PDIA4: variants seen among roughly 807,000 people sequenced by gnomAD.
The protein encoded by PDIA4 is protein disulfide-isomerase A4.
A neutral mutation model predicts 62.1 loss-of-function variants in PDIA4; 33 were observed. The observed-to-expected ratio is 0.53, with a 90% CI of 0.40 to 0.71. The LOEUF (loss-of-function observed/expected upper bound fraction) is 0.71, where lower values mean the gene tolerates loss of function less well. PDIA4 is among the 30% of genes least tolerant of loss of function. The pLI is 0.00. For synonymous variants in PDIA4, 341 were observed against 324.1 expected (o/e 1.05, Z -0.56); for missense variants, 804 against 813.6 (o/e 0.99, Z 0.14).
intron 6 of PDIA4, among the ~76,000 whole-genome samples, chr7:149,008,800 G>A (rs1056801796): frequency 1.6e-4 from 25 of 151,918 alleles, no homozygotes; most frequent in Non-Finnish European, 3.4e-4. Flanking sequence ...CTTGAAAGGA[G>A]GTTCGTTTTT....
At chr7:149,013,957 G>A (rs2129504746) in intron 4 of PDIA4, among the ~76,000 whole-genome samples, 1 of 152,224 alleles carries the variant, frequency 6.6e-6, no homozygotes, top group Non-Finnish European at 1.5e-5. Context: ...CCCATGCATA[G>A]CGAAACAAGG....
intron 6 of PDIA4, among the ~76,000 whole-genome samples, chr7:149,010,106 G>A (rs769742029): frequency 6.6e-6 from 1 of 152,136 alleles, no homozygotes; most frequent in Non-Finnish European, 1.5e-5. Flanking sequence ...CATATGATAG[G>A]TTTGTGACCT....
At chr7:149,009,506 A>G (rs893737072) in intron 6 of PDIA4, among the ~76,000 whole-genome samples, 2 of 152,136 alleles carry the variant, frequency 1.3e-5, no homozygotes, top group Non-Finnish European at 2.9e-5. Flanking sequence ...CCCTTCCTCA[A>G]GTTGGTGGGC....
At position 149,019,209 on chromosome 7, in the gene PDIA4, A is replaced by T. The variant is rs1563123167; in HGVS notation, c.270-12T>A. 1.3e-5 allele frequency: 20 copies of T among 1,591,190 alleles called. No homozygotes were observed. The highest frequency in any genetic ancestry group is 1.7e-5 in the Non-Finnish European group (20 of 1,159,110). On this transcript the variant is annotated splice_polypyrimidine_tract_variant and intron_variant, in intron 2 of 9. Transcript: ENST00000652332. ...TGCAATGTCCACACCTAACAATTAGATTAGGAAGGGCAAAAAACGTTAACT... is the reference window on the plus strand; with the variant it reads ...TGCAATGTCCACACCTAACAATTAGTTTAGGAAGGGCAAAAAACGTTAACT...
intron 3 of PDIA4, among the ~76,000 whole-genome samples, chr7:149,018,761 A>T (rs1232689325): frequency 1.3e-5 from 2 of 151,744 alleles, no homozygotes; most frequent in Non-Finnish European, 2.9e-5. Context: ...CCATGTTTTG[A>T]GTTTCAGAGT....
chr7:149,024,155 G>A (rs1002989377), intron 1 of PDIA4, among the ~76,000 whole-genome samples: 6 of 152,260 alleles, frequency 3.9e-5, no homozygotes, highest in African/African-American at 1.4e-4. Flanking sequence ...GCTGAGGCAG[G>A]AGAATTGCTT....
rs148136923 is a variant in PDIA4, at chr7:149,005,204, C to T, written c.1459G>A (p.Ala487Thr). The T allele has an allele frequency of 9.9e-6, 16 of 1,614,158 alleles. No homozygotes were observed. The highest frequency in any genetic ancestry group is 3.3e-5 in the South Asian group (3 of 91,082). Residue 487 changes from alanine to threonine, a missense_variant, in exon 9 of 10, where the codon GCC (alanine) becomes ACC (threonine). Physicochemically the swap from Ala to Thr is moderately conservative, Grantham distance 58. Transcript: ENST00000652332. ...GAGTCAAACTCCTCTGGCTCCATGG[C>T]GAACTTCTTCCCACTCTCGTCCAGG... is the stretch of plus-strand genomic sequence containing the variant. ...AILDESGKKF[A>T]MEPEEFDSDT...
chr7:149,025,085 A>AATATATATATATATATATAT (rs869119727), intron 1 of PDIA4, among the ~76,000 whole-genome samples: 4 of 22,352 alleles, frequency 1.8e-4, no homozygotes, highest in African/African-American at 2.4e-4. Flanking sequence ...AAAAAAAAAA[A>AATATATATATATATATATAT]ATATATATAT....
rs551198322 is a variant in PDIA4 at position 149,014,430 on chromosome 7, G to A, written c.614+474C>T. 1.1e-4 allele frequency among the ~76,000 whole-genome samples: 17 copies of A among 152,188 alleles called. No individual in the cohort carries two copies. The East Asian group carries it at 1.7e-3, about 16-fold the overall frequency. ...ACCAAGACAGATGGTACCCTGGGCCGTCTCCTGGGAAGGCAGATGGTCTCT... is the reference window on the plus strand; with the variant it reads ...ACCAAGACAGATGGTACCCTGGGCCATCTCCTGGGAAGGCAGATGGTCTCT... On this transcript the variant is annotated intron_variant, in intron 4 of 9. Transcript: ENST00000652332.
Position 149,019,026 on chromosome 7 carries a change from C to T in PDIA4, c.441G>A (p.Gln147=), listed in dbSNP as rs570363455. 5.6e-6 allele frequency: 9 copies of T among 1,613,614 alleles called. No homozygotes were observed. In the East Asian group the frequency reaches 1.6e-4, roughly 28 times the overall value. The change falls in exon 3 of 10, where the codon CAG becomes CAA. Residue 147 remains glutamine, a synonymous_variant. Coordinates refer to ENST00000652332, the MANE Select transcript of PDIA4 (RefSeq NM_004911.5). ...YPTIKILKKG[Q]AVDYEGSRTQ... ...TTCTGGAGCCCTCGTAGTCTACAGCCTGCCCCTTCTTAAGGATCTTGATGG... is the reference window on the plus strand; with the variant it reads ...TTCTGGAGCCCTCGTAGTCTACAGCTTGCCCCTTCTTAAGGATCTTGATGG...
rs1824642391 is a variant in PDIA4, at chr7:149,028,476, G to A, written c.-68C>T. 1.8e-6 allele frequency: 2 copies of A among 1,111,444 alleles called. No individual in the cohort carries two copies. The highest frequency in any genetic ancestry group is 3.2e-5 in the East Asian group (1 of 31,652). The allele number at this position is 1,111,444 out of a possible 1,614,324, so 68.8% of individuals were successfully genotyped here. A position where few individuals can be genotyped will look rare whatever the true frequency, so the allele number is the denominator to read the frequency against. On this transcript the variant is annotated 5_prime_UTR_variant, in exon 1 of 10. Transcript: ENST00000652332. ...TGAGCGCACCGAGAACTCGGGGTCT[G>A]GCCGACAGCCCGTCGCTCCTTAGCG...
intron 3 of PDIA4, among the ~76,000 whole-genome samples, chr7:149,016,218 C>A (rs113759028): frequency 0.014 from 2,110 of 152,282 alleles, 55 homozygotes; most frequent in African/African-American, 0.049. Flanking sequence ...CCCACTTGAA[C>A]CCCGGAGGTG....
chr7:149,011,634 G>A (rs1478684168), intron 6 of PDIA4, among the ~76,000 whole-genome samples: 1 of 152,136 alleles, frequency 6.6e-6, no homozygotes, highest in Non-Finnish European at 1.5e-5. Context: ...CGGTCTGACT[G>A]TGCCCCTCCC....
intron 1 of PDIA4, among the ~76,000 whole-genome samples, chr7:149,024,040 A>C (rs1308116672): frequency 6.6e-6 from 1 of 152,192 alleles, no homozygotes; most frequent in Admixed American, 6.5e-5. Context: ...TGAGGTCAGG[A>C]GTTTGAGACC....
chr7:149,027,037 T>G (rs1328836677), intron 1 of PDIA4, among the ~76,000 whole-genome samples: 2 of 152,190 alleles, frequency 1.3e-5, no homozygotes, highest in Non-Finnish European at 2.9e-5. Context: ...AAGACAGTGC[T>G]ATATGCTTTT....
intron 3 of PDIA4, among the ~76,000 whole-genome samples, chr7:149,016,168 G>C (rs1009798456): frequency 2.4e-4 from 36 of 152,158 alleles, no homozygotes; most frequent in Admixed American, 2.4e-3. Flanking sequence ...GGTGGCACAT[G>C]CTTGTAACCC....
At position 149,004,171 on chromosome 7, in the gene PDIA4, T is replaced by C. The variant is rs138394566; in HGVS notation, c.1561A>G (p.Lys521Glu). ...KPVIKSQPVP[K>E]NNKGPVKVVV... ...ACCTTGACGGGTCCCTTGTTGTTCT[T>C]GGGCACTGGCTGGGATTTGATGACT... Residue 521 changes from lysine to glutamate, a missense_variant, in exon 10 of 10, where the codon AAG (lysine) becomes GAG (glutamate). Lys to Glu is a moderately conservative substitution (Grantham distance 56, BLOSUM62 1). Coordinates refer to ENST00000652332, the MANE Select transcript of PDIA4 (RefSeq NM_004911.5). 5.8e-4 allele frequency: 943 copies of C among 1,613,802 alleles called. 1 individual carries two copies. The highest frequency in any genetic ancestry group is 7.5e-4 in the Non-Finnish European group (888 of 1,179,850).
chr7:149,015,077 C>G (rs1230005845), intron 3 of PDIA4, 35 bp from the exon 4 acceptor site: 2 of 1,610,888 alleles, frequency 1.2e-6, no homozygotes, highest in African/African-American at 1.3e-5. Flanking sequence ...GCACACAAGG[C>G]CCAAACTGGC....
chr7:149,020,500 C>G (rs1197801890), intron 2 of PDIA4, among the ~76,000 whole-genome samples: 1 of 152,084 alleles, frequency 6.6e-6, no homozygotes, highest in Non-Finnish European at 1.5e-5. Context: ...CTGACTGGTC[C>G]CCCCGCAGGG....
Sources: gnomAD v4.1 joint callset for allele counts (sites outside exome capture counted in the v4.1 genomes callset) on GRCh38, gnomAD v4.1.1 for gene constraint, MANE v1.5 for transcripts, NCBI Gene and HGNC (gene_info 2026-07-23, HGNC 2026-07-21) for gene names.